KCNK12: variants seen among roughly 807,000 people sequenced by gnomAD.
KCNK12 encodes the protein potassium two pore domain channel subfamily K member 12, also known as potassium channel subfamily K member 12.
A neutral mutation model predicts 25.3 loss-of-function variants in KCNK12; 6 were observed. The observed-to-expected ratio is 0.24, with a 90% CI of 0.13 to 0.47. KCNK12 has a LOEUF of 0.47. Among genes scored for constraint, KCNK12 ranks in the 20% least tolerant of loss-of-function variants. KCNK12 has a pLI of 0.99. For synonymous variants in KCNK12, 331 were observed against 311.1 expected, an observed-to-expected ratio of 1.06 and a Z score of -0.67; for missense variants, 444 against 661.7, an observed-to-expected ratio of 0.67 and a Z score of 3.61.
At position 47,551,640 on chromosome 2, in the gene KCNK12, T is replaced by C. The variant is rs554596299; in HGVS notation, c.391+18301A>G. 1.6e-4 allele frequency among the ~76,000 whole-genome samples: 24 copies of C among 152,310 alleles called. No individual in the cohort carries two copies. The highest frequency in any genetic ancestry group is 2.8e-4 in the Non-Finnish European group (19 of 68,030). On this transcript the variant is annotated intron_variant, in intron 1 of 1. Coordinates refer to ENST00000327876, the MANE Select transcript of KCNK12 (RefSeq NM_022055.2). This position sits in a 1 kb window ranked among gnomAD's most constrained non-coding sequence, Gnocchi z 5.3. Reference sequence around the variant, plus strand: ...AGGGCCTGCTAACTGTTCTGGAAAGTATGACGTGTGAAATCAGTATTACCC... The same window carrying C: ...AGGGCCTGCTAACTGTTCTGGAAAGCATGACGTGTGAAATCAGTATTACCC...
rs913233557 is a variant in KCNK12 at position 47,509,465 on chromosome 2, C to T, written c.*11442G>A. Among the ~76,000 whole-genome samples, 8 of 152,250 alleles carry T rather than the reference C, an allele frequency of 5.3e-5. No homozygotes were observed. Among genetic ancestry groups the T allele is most frequent in the Admixed American group, 1.3e-4 (2 of 15,290 alleles). On this transcript the variant is annotated 3_prime_UTR_variant, in exon 2 of 2. Coordinates refer to ENST00000327876, the MANE Select transcript of KCNK12 (RefSeq NM_022055.2). ...AACCACAGTCTCTGATGTCAGCTGG[C>T]TGCCAACACGTCAGTTGTATCAGCA... is the stretch of plus-strand genomic sequence containing the variant.
intron 1 of KCNK12, among the ~76,000 whole-genome samples, chr2:47,531,567 C>T (rs1478230429): frequency 6.6e-6 from 1 of 151,996 alleles, no homozygotes; most frequent in African/African-American, 2.4e-5. Context: ...CAGTGCAGTG[C>T]CCAGGGCCAC....
intron 1 of KCNK12, among the ~76,000 whole-genome samples, chr2:47,550,854 A>T (rs1450957617): frequency 6.6e-6 from 1 of 152,098 alleles, no homozygotes; most frequent in Non-Finnish European, 1.5e-5. Flanking sequence ...GGTCCAAATC[A>T]TCATCATCTC....
Position 47,568,850 on chromosome 2 carries a change from G to T in KCNK12, c.391+1091C>A, listed in dbSNP as rs149700233. Among the ~76,000 whole-genome samples the T allele has an allele frequency of 2.7e-3, 412 of 152,294 alleles. 1 individual carries two copies. Among genetic ancestry groups the T allele is most frequent in the Non-Finnish European group, 4.9e-3 (335 of 68,022 alleles). On this transcript the variant is annotated intron_variant, in intron 1 of 1. Transcript: ENST00000327876. ...CCATCCTGGGATTCAAAGCAGGAGT[G>T]GGGGGACACACACAGCCTTGTCAAG...
At chr2:47,544,593 G>A (rs1048828405) in intron 1 of KCNK12, among the ~76,000 whole-genome samples, 2 of 152,236 alleles carry the variant, frequency 1.3e-5, no homozygotes, top group Admixed American at 6.5e-5. Flanking sequence ...TCTGGCAGAT[G>A]TAGGCTCAGT....
At chr2:47,522,592 C>T (rs1459490109) in intron 1 of KCNK12, among the ~76,000 whole-genome samples, 1 of 152,218 alleles carries the variant, frequency 6.6e-6, no homozygotes, top group Non-Finnish European at 1.5e-5. Context: ...CCTTCCACCT[C>T]AGCCTCCCAA....
chr2:47,521,844 C>G, intron 1 of KCNK12, 36 bp from the exon 2 acceptor site: 1 of 1,256,536 alleles, frequency 8.0e-7, no homozygotes, highest in Non-Finnish European at 1.0e-6. Context: ...CGGTCCTGGC[C>G]GCGCAGGTGG....
At chr2:47,531,066 C>A (rs542840937) in intron 1 of KCNK12, among the ~76,000 whole-genome samples, 1 of 152,202 alleles carries the variant, frequency 6.6e-6, no homozygotes. Flanking sequence ...TGAAAATAAT[C>A]CCCAATCCCC....
chr2:47,542,319 C>G (rs998159225), intron 1 of KCNK12, among the ~76,000 whole-genome samples: 3 of 152,236 alleles, frequency 2.0e-5, no homozygotes, highest in Non-Finnish European at 4.4e-5. Flanking sequence ...CACCCTGGCA[C>G]ATGCACAGCC....
chr2:47,568,712 GTCTATGAAATCCCTCACT>G (rs1232157647), intron 1 of KCNK12, among the ~76,000 whole-genome samples: 1 of 152,130 alleles, frequency 6.6e-6, no homozygotes, highest in African/African-American at 2.4e-5. Flanking sequence ...CAGAAGGTGT[GTCTATGAAATCCCTCACT>G]TCTCAAGCCC....
rs1669171898 is a variant in KCNK12, at chr2:47,540,377, C to T, written c.392-18569G>A. ...TGGGACGTGAGAGGGCATGGGCTCACCTGCTCAGGGTTTGAATGAGACCCC... is the reference window on the plus strand; with the variant it reads ...TGGGACGTGAGAGGGCATGGGCTCATCTGCTCAGGGTTTGAATGAGACCCC... On this transcript the variant is annotated intron_variant, in intron 1 of 1. Coordinates refer to ENST00000327876, the MANE Select transcript of KCNK12 (RefSeq NM_022055.2). This position sits in a 1 kb window ranked among gnomAD's most constrained non-coding sequence, Gnocchi z 5.4. 6.6e-6 allele frequency among the ~76,000 whole-genome samples: 1 copy of T among 152,158 alleles called. No homozygotes were observed. Among genetic ancestry groups the T allele is most frequent in the Admixed American group, 6.5e-5 (1 of 15,276 alleles).
Position 47,562,771 on chromosome 2 carries a change from C to T in KCNK12, c.391+7170G>A. On this transcript the variant is annotated intron_variant, in intron 1 of 1. Coordinates refer to ENST00000327876, the MANE Select transcript of KCNK12 (RefSeq NM_022055.2). The surrounding 1 kb of genome is among the most constrained non-coding windows in gnomAD (Gnocchi z 4.8). ...CTTCCTGCAGTTTCAAGCCCCTCCA[C>T]CCCCTGTTCCTCACCAACTCTCCCC... 1 of 233,262 alleles carries T rather than the reference C, an allele frequency of 4.3e-6. No individual in the cohort carries two copies. The highest frequency in any genetic ancestry group is 6.0e-5 in the East Asian group (1 of 16,584). 14.4% of individuals were successfully genotyped at this position (233,262 alleles called of 1,614,324 possible).
chr2:47,541,661 T>C (rs1265142738), intron 1 of KCNK12, among the ~76,000 whole-genome samples: 1 of 152,050 alleles, frequency 6.6e-6, no homozygotes, highest in Non-Finnish European at 1.5e-5. Context: ...GCCATTAGGG[T>C]GAGCCCTAAT....
Position 47,525,591 on chromosome 2 carries a change from C to T in KCNK12, c.392-3783G>A, listed in dbSNP as rs931593481. 6.6e-6 allele frequency among the ~76,000 whole-genome samples: 1 copy of T among 152,152 alleles called. No homozygotes were observed. The highest frequency in any genetic ancestry group is 1.5e-5 in the Non-Finnish European group (1 of 68,016). On this transcript the variant is annotated intron_variant, in intron 1 of 1. Transcript: ENST00000327876. This position sits in a 1 kb window ranked among gnomAD's most constrained non-coding sequence, Gnocchi z 4.1. ...TCTGTACTTCAAGGGCTTGCTTCAT[C>T]AGGAGATGTGAGGGTGACATGGGTC...
At chr2:47,530,762 GTGTGT>G (rs759750000) in intron 1 of KCNK12, among the ~76,000 whole-genome samples, 8 of 152,174 alleles carry the variant, frequency 5.3e-5, no homozygotes, top group African/African-American at 9.7e-5. Flanking sequence ...TACCATGATG[GTGTGT>G]TCATAACCAA....
In KCNK12 at chr2:47,548,109, T is replaced by C. The variant is rs1669351137; in HGVS notation, c.391+21832A>G. 6.6e-6 allele frequency among the ~76,000 whole-genome samples: 1 copy of C among 152,216 alleles called. No homozygotes were observed. The highest frequency in any genetic ancestry group is 2.4e-5 in the African/African-American group (1 of 41,458). ...TCTGCTTCCTCTTTGCCTTCTGACATGATTGTAAGTTCCCTGAGGCCTCTC... is the reference window on the plus strand; with the variant it reads ...TCTGCTTCCTCTTTGCCTTCTGACACGATTGTAAGTTCCCTGAGGCCTCTC... On this transcript the variant is annotated intron_variant, in intron 1 of 1. Coordinates refer to ENST00000327876, the MANE Select transcript of KCNK12 (RefSeq NM_022055.2). The surrounding 1 kb of genome is among the most constrained non-coding windows in gnomAD (Gnocchi z 4.4).
intron 1 of KCNK12, among the ~76,000 whole-genome samples, chr2:47,536,399 C>A (rs1669067820): frequency 6.6e-6 from 1 of 152,218 alleles, no homozygotes; most frequent in South Asian, 2.1e-4. Context: ...TTGCCACCCT[C>A]CAGAATGCAG....
intron 1 of KCNK12, among the ~76,000 whole-genome samples, chr2:47,530,368 G>C (rs1302108343): frequency 6.6e-6 from 1 of 152,134 alleles, no homozygotes; most frequent in East Asian, 1.9e-4. Flanking sequence ...ATGTGCCCCA[G>C]CCCTGGTACC....
intron 1 of KCNK12, among the ~76,000 whole-genome samples, chr2:47,545,922 T>A (rs542343940): frequency 2.0e-5 from 3 of 152,178 alleles, no homozygotes; most frequent in African/African-American, 7.2e-5. Flanking sequence ...TTCTTTTTTT[T>A]TTTTTTCTCA....
Sources: gnomAD v4.1 joint callset for allele counts (sites outside exome capture counted in the v4.1 genomes callset) on GRCh38, gnomAD v4.1.1 for gene constraint, Gnocchi (gnomAD v3.1) non-coding constraint, MANE v1.5 for transcripts, NCBI Gene and HGNC (gene_info 2026-07-23, HGNC 2026-07-21) for gene names.